MEIKIN: variants seen among roughly 807,000 people sequenced by gnomAD.
MEIKIN encodes meiosis-specific kinetochore protein.
At chr5:131,894,172 T>C (rs1750991596) in intron 8 of MEIKIN, among the ~76,000 whole-genome samples, 1 of 152,216 alleles carries the variant, frequency 6.6e-6, no homozygotes, top group Admixed American at 6.5e-5. Context: ...TCCCCATTGC[T>C]TGTTTTTCTC....
intron 9 of MEIKIN, among the ~76,000 whole-genome samples, chr5:131,870,045 A>C (rs1750458831): frequency 1.3e-5 from 2 of 152,332 alleles, no homozygotes; most frequent in Admixed American, 1.3e-4. Flanking sequence ...GGAAACTGGA[A>C]GTCCTACAAT....
intron 8 of MEIKIN, among the ~76,000 whole-genome samples, chr5:131,909,665 A>G (rs1751301419): frequency 6.6e-6 from 1 of 152,056 alleles, no homozygotes; most frequent in Non-Finnish European, 1.5e-5. Context: ...AAACTACTCC[A>G]CCTAATTAGG....
chr5:131,830,884 A>G (rs1749702815), intron 11 of MEIKIN, among the ~76,000 whole-genome samples: 1 of 152,020 alleles, frequency 6.6e-6, no homozygotes, highest in Admixed American at 6.5e-5. Context: ...CAAAACCTAC[A>G]AATCTGAGGA....
chr5:131,863,468 T>G (rs958880668), intron 9 of MEIKIN, among the ~76,000 whole-genome samples: 10 of 151,838 alleles, frequency 6.6e-5, no homozygotes, highest in Admixed American at 3.9e-4. Flanking sequence ...TACATCTGAG[T>G]GCAGCATTGT....
At chr5:131,888,794 G>A (rs1294416230) in intron 8 of MEIKIN, among the ~76,000 whole-genome samples, 128 of 151,504 alleles carry the variant, frequency 8.4e-4, no homozygotes, top group African/African-American at 2.6e-3. Context: ...CCATGCCTAC[G>A]TCCTGAATGG....
intron 11 of MEIKIN, among the ~76,000 whole-genome samples, chr5:131,827,492 C>T (rs764963996): frequency 9.2e-5 from 14 of 152,020 alleles, no homozygotes; most frequent in Non-Finnish European, 1.8e-4. Context: ...CTACCATAAA[C>T]ATAAGGCTAT....
chr5:131,907,611 C>T (rs1451982554), intron 8 of MEIKIN, among the ~76,000 whole-genome samples: 1 of 150,948 alleles, frequency 6.6e-6, no homozygotes, highest in South Asian at 2.1e-4. Flanking sequence ...AGGTGGCTCA[C>T]GCCTGTAATC....
intron 11 of MEIKIN, among the ~76,000 whole-genome samples, chr5:131,850,102 A>C (rs1750086626): frequency 6.6e-6 from 1 of 152,124 alleles, no homozygotes; most frequent in African/African-American, 2.4e-5. Context: ...AATAGCATCC[A>C]AAAGAATATT....
At chr5:131,855,350 T>G (rs942780192) in intron 9 of MEIKIN, among the ~76,000 whole-genome samples, 1 of 152,076 alleles carries the variant, frequency 6.6e-6, no homozygotes, top group Non-Finnish European at 1.5e-5. Flanking sequence ...AACATCAAAG[T>G]TAAAGAAATT....
chr5:131,943,427 C>T (rs1475878810), intron 3 of MEIKIN, among the ~76,000 whole-genome samples: 1 of 152,204 alleles, frequency 6.6e-6, no homozygotes, highest in African/African-American at 2.4e-5. Context: ...TACACAAAAA[C>T]CTTCTGTAAC....
At chr5:131,885,370 AGAGAGAGAGAGAGAGAGAG>A (rs1750771524) in intron 8 of MEIKIN, among the ~76,000 whole-genome samples, 1 of 49,162 alleles carries the variant, frequency 2.0e-5, no homozygotes, top group African/African-American at 6.1e-5. Flanking sequence ...AGAGAGAGAG[AGAGAGAGAGAGAGAGAGAG>A]AGAGAGAGAG....
intron 10 of MEIKIN, among the ~76,000 whole-genome samples, chr5:131,852,805 C>T (rs972268117): frequency 3.9e-5 from 6 of 151,944 alleles, no homozygotes; most frequent in African/African-American, 7.3e-5. Context: ...TTTTATAAAA[C>T]GTAACTTGTA....
Position 131,821,315 on chromosome 5 carries a change from C to G in MEIKIN, c.976-2452G>C, listed in dbSNP as rs78097529. ...GGTGTTTGTATAGTTTCCAAAATTCCTCATTATTGATTTTAAGTTTTACTC... is the reference window on the plus strand; with the variant it reads ...GGTGTTTGTATAGTTTCCAAAATTCGTCATTATTGATTTTAAGTTTTACTC... On this transcript the variant is annotated intron_variant, in intron 11 of 12. Coordinates refer to ENST00000442687, the MANE Select transcript of MEIKIN (RefSeq NM_001303622.2). Among the ~76,000 whole-genome samples, 830 of 152,136 alleles carry G rather than the reference C, an allele frequency of 5.5e-3. 9 individuals carry two copies. Among genetic ancestry groups the G allele is most frequent in the African/African-American group, 0.017 (718 of 41,500 alleles).
At chr5:131,941,550 T>G (rs1414593605) in intron 4 of MEIKIN, among the ~76,000 whole-genome samples, 1 of 152,166 alleles carries the variant, frequency 6.6e-6, no homozygotes, top group African/African-American at 2.4e-5. Context: ...TTTTTTTTCC[T>G]GCTGTTGATA....
chr5:131,857,774 G>A (rs111966295), intron 9 of MEIKIN, among the ~76,000 whole-genome samples: 36 of 152,250 alleles, frequency 2.4e-4, no homozygotes, highest in African/African-American at 7.2e-4. Flanking sequence ...GCCCGCAAGC[G>A]CAGGTGACCA....
chr5:131,911,466 A>G (rs906326098), intron 8 of MEIKIN, among the ~76,000 whole-genome samples: 1 of 151,946 alleles, frequency 6.6e-6, no homozygotes, highest in East Asian at 1.9e-4. Flanking sequence ...ATCATTATGC[A>G]TAACTACAAT....
intron 11 of MEIKIN, among the ~76,000 whole-genome samples, chr5:131,831,853 T>C (rs1749721354): frequency 1.3e-5 from 2 of 152,156 alleles, no homozygotes; most frequent in African/African-American, 4.8e-5. Context: ...CATCAGATCT[T>C]GTGAGGCTTA....
At chr5:131,900,879 G>C (rs1314583585) in intron 8 of MEIKIN, among the ~76,000 whole-genome samples, 1 of 152,084 alleles carries the variant, frequency 6.6e-6, no homozygotes, top group Non-Finnish European at 1.5e-5. Flanking sequence ...GCCCTCCCAT[G>C]CCCTCCCCCT....
At chr5:131,944,349 AAATC>A (rs1751924759) in intron 3 of MEIKIN, 1 of 194,878 alleles carries the variant, frequency 5.1e-6, no homozygotes, top group South Asian at 1.9e-4. Context: ...TGTTAATGGA[AAATC>A]AAATGGAAAA....
Sources: allele counts gnomAD v4.1 joint callset (sites outside exome capture counted in the v4.1 genomes callset), GRCh38; gene constraint gnomAD v4.1.1; transcripts MANE v1.5; gene names NCBI Gene and HGNC (gene_info 2026-07-23, HGNC 2026-07-21).